FHL5: variants seen among roughly 807,000 people sequenced by gnomAD.
FHL5 encodes the protein four and a half LIM domains 5.
Under a neutral mutation model 32.0 loss-of-function variants are expected in FHL5, and 33 were observed. The ratio of observed to expected loss-of-function variants is 1.03; its 90% confidence interval spans 0.78 to 1.38. The LOEUF (loss-of-function observed/expected upper bound fraction) is 1.38. FHL5 is among the 40% of genes most tolerant of loss of function. The pLI is 0.00. For missense variants in FHL5, 336 were observed against 343.9 expected (o/e 0.98, Z 0.18); for synonymous variants, 114 against 113.6 (o/e 1.00, Z -0.02).
Position 96,610,741 on chromosome 6 carries a change from G to A in FHL5, c.674G>A (p.Cys225Tyr), listed in dbSNP as rs115799652. The change falls in exon 5 of 6, where the codon TGT becomes TAT. Residue 225 changes from cysteine (C) to tyrosine (Y), a missense_variant. By Grantham distance (194) the Cys-to-Tyr change is radical. Coordinates refer to ENST00000450218, the MANE Select transcript of FHL5 (RefSeq NM_001322466.2). ...CTTTATGCCAACAAGTGTGTAGCCT[G>A]TTCCAAACCCATTAGTGGTGAGTTC... ...NHLYANKCVA[C>Y]SKPISGLTGA... 285 of 1,611,998 alleles carry A rather than the reference G, an allele frequency of 1.8e-4. No homozygotes were observed. The highest frequency in any genetic ancestry group is 2.3e-4 in the Non-Finnish European group (276 of 1,178,702).
chr6:96,607,085 T>C (rs1230913395), intron 4 of FHL5, among the ~76,000 whole-genome samples: 1 of 152,136 alleles, frequency 6.6e-6, no homozygotes, highest in Non-Finnish European at 1.5e-5. Flanking sequence ...GTAAACTTCA[T>C]CCAATTCTTT....
At chr6:96,565,139 T>A (rs1027319579) in intron 1 of FHL5, among the ~76,000 whole-genome samples, 2 of 152,160 alleles carry the variant, frequency 1.3e-5, no homozygotes, top group South Asian at 2.1e-4. Flanking sequence ...GTATTTTATA[T>A]GAACTAGTAA....
At chr6:96,569,194 A>G (rs1442183981) in intron 1 of FHL5, among the ~76,000 whole-genome samples, 3 of 151,920 alleles carry the variant, frequency 2.0e-5, no homozygotes, top group African/African-American at 7.2e-5. Flanking sequence ...TAATTTCTTC[A>G]TTGACTAATT....
Position 96,596,595 on chromosome 6 carries a change from C to T in FHL5, c.-12-7007C>T, listed in dbSNP as rs559746893. On this transcript the variant is annotated intron_variant, in intron 1 of 5. Coordinates refer to ENST00000450218, the MANE Select transcript of FHL5 (RefSeq NM_001322466.2). ...TCCCATCACATAACATGCATTTATC[C>T]GTGAGTTTGTATTTTATCTTTTTTT... Among the ~76,000 whole-genome samples the T allele has an allele frequency of 1.0e-4, 15 of 146,806 alleles. No homozygotes were observed. The East Asian group carries it at 2.6e-3, about 25-fold the overall frequency.
At chr6:96,586,505 T>C (rs1161023030) in intron 1 of FHL5, among the ~76,000 whole-genome samples, 6 of 152,100 alleles carry the variant, frequency 3.9e-5, no homozygotes, top group African/African-American at 1.4e-4. Flanking sequence ...TGAGCAAACA[T>C]CAAATTTACA....
chr6:96,597,251 A>G (rs1410343659), intron 1 of FHL5, among the ~76,000 whole-genome samples: 1 of 151,714 alleles, frequency 6.6e-6, no homozygotes, highest in East Asian at 1.9e-4. Flanking sequence ...TATACATTAT[A>G]TATAATTACT....
chr6:96,574,295 G>C (rs1478862252), intron 1 of FHL5, among the ~76,000 whole-genome samples: 1 of 152,146 alleles, frequency 6.6e-6, no homozygotes, highest in Non-Finnish European at 1.5e-5. Flanking sequence ...AGCAGAAAAT[G>C]TACTTTTAAA....
intron 1 of FHL5, among the ~76,000 whole-genome samples, chr6:96,578,347 A>G (rs945961010): frequency 2.6e-5 from 4 of 152,172 alleles, no homozygotes; most frequent in African/African-American, 9.7e-5. Context: ...TTTTCTTCTT[A>G]AGAAAACAAG....
At chr6:96,577,959 G>T (rs1241124044) in intron 1 of FHL5, among the ~76,000 whole-genome samples, 4 of 144,906 alleles carry the variant, frequency 2.8e-5, no homozygotes, top group African/African-American at 7.6e-5. Flanking sequence ...AAAAAAAAAA[G>T]TCAGTTCGCC....
At chr6:96,610,955 T>C (rs1425775005) in intron 5 of FHL5, among the ~76,000 whole-genome samples, 197 bp downstream of exon 5, 2 of 152,168 alleles carry the variant, frequency 1.3e-5, no homozygotes, top group Non-Finnish European at 2.9e-5. Context: ...AGAGTATAAT[T>C]TGGGTGACTA....
At chr6:96,609,147 A>T (rs1562065274) in intron 4 of FHL5, among the ~76,000 whole-genome samples, 1 of 152,222 alleles carries the variant, frequency 6.6e-6, no homozygotes, top group African/African-American at 2.4e-5. Flanking sequence ...TTAATTTCTA[A>T]GATATTTGTT....
chr6:96,594,232 T>C (rs1407570106), intron 1 of FHL5, among the ~76,000 whole-genome samples: 3 of 17,874 alleles, frequency 1.7e-4, no homozygotes, highest in African/African-American at 4.1e-4. Flanking sequence ...AGAATTTATA[T>C]ATATATATAT....
At position 96,615,653 on chromosome 6, in the gene FHL5, C is replaced by A; in HGVS notation, c.736C>A (p.His246Asn). The A allele has an allele frequency of 6.2e-7, 1 of 1,613,000 alleles. No homozygotes were observed. The change falls in exon 6 of 6, where the codon CAT becomes AAT. Residue 246 changes from histidine (H) to asparagine (N), a missense_variant. By Grantham distance (68) the His-to-Asn change is moderately conservative (BLOSUM62 1). Coordinates refer to ENST00000450218, the MANE Select transcript of FHL5 (RefSeq NM_001322466.2). ...TATCTGCTTTCAAGACAGCCAGTGGCATAGCGAATGCTTTAACTGCGGGAA... is the reference window on the plus strand; with the variant it reads ...TATCTGCTTTCAAGACAGCCAGTGGAATAGCGAATGCTTTAACTGCGGGAA... ...KFICFQDSQW[H>N]SECFNCGKCS...
At chr6:96,606,163 T>A in intron 4 of FHL5, 92 bp downstream of exon 4, 2 of 1,075,222 alleles carry the variant, frequency 1.9e-6, no homozygotes. Context: ...ACTATTATGT[T>A]ATATCTGTAA....
intron 1 of FHL5, among the ~76,000 whole-genome samples, chr6:96,599,464 G>T (rs867037282): frequency 6.6e-6 from 1 of 152,022 alleles, no homozygotes; most frequent in Admixed American, 6.6e-5. Context: ...CAAAGTGCTG[G>T]GATTACGGGC....
chr6:96,567,254 C>G (rs1164568730), intron 1 of FHL5, among the ~76,000 whole-genome samples: 1 of 151,884 alleles, frequency 6.6e-6, no homozygotes, highest in Admixed American at 6.6e-5. Context: ...TGTTCCTTCC[C>G]CATTAAATGT....
chr6:96,575,160 A>G (rs1372516058), intron 1 of FHL5, among the ~76,000 whole-genome samples: 1 of 152,198 alleles, frequency 6.6e-6, no homozygotes, highest in African/African-American at 2.4e-5. Flanking sequence ...GAAAGTTAAT[A>G]TATGTATGTC....
intron 1 of FHL5, among the ~76,000 whole-genome samples, chr6:96,595,408 A>G (rs1446087810): frequency 6.6e-6 from 1 of 151,534 alleles, no homozygotes; most frequent in East Asian, 1.9e-4. Flanking sequence ...GGAATATGAC[A>G]TCTTTACTAT....
rs185334661 is a variant in FHL5 at position 96,583,953 on chromosome 6, C to T, written c.-12-19649C>T. Among the ~76,000 whole-genome samples the T allele has an allele frequency of 1.1e-3, 169 of 152,066 alleles. 1 individual carries two copies. The highest frequency in any genetic ancestry group is 3.9e-3 in the African/African-American group (161 of 41,494). On this transcript the variant is annotated intron_variant, in intron 1 of 5. Transcript: ENST00000450218. The stretch of plus-strand genomic sequence containing the variant: ...TTTATTCTATTCATAGAATTCTTTT[C>T]GTATATGTGTTTTCATTAGTGCTTG...
Sources: gnomAD v4.1 joint callset for allele counts (sites outside exome capture counted in the v4.1 genomes callset) on GRCh38, gnomAD v4.1.1 for gene constraint, MANE v1.5 for transcripts, NCBI Gene and HGNC (gene_info 2026-07-23, HGNC 2026-07-21) for gene names.